Variants in TRPM3 observed in about 807,000 individuals in gnomAD.
TRPM3 encodes transient receptor potential cation channel subfamily M member 3.
In TRPM3, 77 loss-of-function variants were observed where a neutral mutation model predicts 181.2. That is an observed-to-expected ratio of 0.42 (90% CI 0.35 to 0.51). The LOEUF is 0.51. Ranked by LOEUF, TRPM3 falls within the 20% of genes least tolerant of loss-of-function variation. TRPM3 has a pLI of 0.01. For synonymous variants in TRPM3, 745 were observed against 796.4 expected (o/e 0.94, Z 1.09); for missense variants, 1,759 against 2,196.7 (o/e 0.80, Z 3.98).
intron 6 of TRPM3, among the ~76,000 whole-genome samples, chr9:70,789,396 T>C (rs1007972730): frequency 1.2e-4 from 19 of 152,178 alleles, no homozygotes; most frequent in Admixed American, 2.0e-4. Context: ...TGGTCATTCA[T>C]TGAAAACAAA....
At chr9:71,229,543 A>T (rs566020343) in intron 1 of TRPM3, among the ~76,000 whole-genome samples, 1 of 152,208 alleles carries the variant, frequency 6.6e-6, no homozygotes, top group African/African-American at 2.4e-5. Context: ...ATGTGAGGAA[A>T]TATTTGCAAA....
intron 1 of TRPM3, among the ~76,000 whole-genome samples, chr9:71,317,482 A>G (rs1318534316): frequency 6.6e-6 from 1 of 152,084 alleles, no homozygotes; most frequent in Non-Finnish European, 1.5e-5. Flanking sequence ...CTCTATAAGA[A>G]CTACAAAAAT....
At chr9:71,431,207 C>G (rs1390505561) in intron 1 of TRPM3, among the ~76,000 whole-genome samples, 1 of 151,702 alleles carries the variant, frequency 6.6e-6, no homozygotes, top group Non-Finnish European at 1.5e-5. Flanking sequence ...GAGAGAGAGC[C>G]CACTTAACAA....
chr9:70,870,037 C>A (rs1483000338), intron 1 of TRPM3, among the ~76,000 whole-genome samples: 3 of 151,992 alleles, frequency 2.0e-5, no homozygotes, highest in Non-Finnish European at 2.9e-5. Context: ...TTTCTCTTCC[C>A]AAACACAGAA....
intron 1 of TRPM3, among the ~76,000 whole-genome samples, chr9:71,195,487 A>G (rs896973527): frequency 1.3e-5 from 2 of 151,978 alleles, no homozygotes; most frequent in East Asian, 3.9e-4. Context: ...TAAGGAAAGG[A>G]AACACTTCTA....
intron 6 of TRPM3, among the ~76,000 whole-genome samples, chr9:70,800,962 T>G (rs2088814678): frequency 6.6e-6 from 1 of 152,136 alleles, no homozygotes; most frequent in Non-Finnish European, 1.5e-5. Flanking sequence ...AACTAGTAAG[T>G]GTCAGAAATG....
chr9:70,877,555 C>T (rs1161846871), intron 1 of TRPM3, among the ~76,000 whole-genome samples: 1 of 151,802 alleles, frequency 6.6e-6, no homozygotes, highest in Non-Finnish European at 1.5e-5. Context: ...GTGATTTATT[C>T]TAAGATTCCT....
chr9:70,777,647 C>G (rs986389479), intron 7 of TRPM3, among the ~76,000 whole-genome samples: 5 of 152,086 alleles, frequency 3.3e-5, no homozygotes, highest in African/African-American at 1.2e-4. Flanking sequence ...TTACTCCAAC[C>G]TATGCTTCCT....
intron 1 of TRPM3, among the ~76,000 whole-genome samples, chr9:71,303,933 C>T (rs1248383479): frequency 6.6e-6 from 1 of 151,944 alleles, no homozygotes; most frequent in Non-Finnish European, 1.5e-5. Context: ...TATACAAAAA[C>T]TTGTGGAACA....
In TRPM3 at chr9:70,862,375, AT is replaced by A. The variant is rs1280601162; in HGVS notation, c.462+532del. On this transcript the variant is annotated intron_variant, in intron 3 of 25. Transcript: ENST00000677713. ...TTATGTGGAATCTTCTAATGAGAAC[AT>A]TATTGAGCACAGATGCTTGGAGAAA... 2.6e-5 allele frequency among the ~76,000 whole-genome samples: 4 copies of A among 152,302 alleles called. No homozygotes were observed. In the East Asian group the frequency reaches 7.7e-4, roughly 29 times the overall value.
intron 1 of TRPM3, among the ~76,000 whole-genome samples, chr9:71,243,528 CTG>C (rs2081847959): frequency 1.3e-5 from 2 of 152,238 alleles, no homozygotes; most frequent in African/African-American, 4.8e-5. Flanking sequence ...TCTTTACTGT[CTG>C]TCTCTCTGAG....
chr9:71,249,385 A>G (rs2082210002), intron 1 of TRPM3, among the ~76,000 whole-genome samples: 1 of 152,324 alleles, frequency 6.6e-6, no homozygotes, highest in African/African-American at 2.4e-5. Context: ...TAAAAATCAG[A>G]GGAAGTTACA....
At chr9:71,014,851 GT>G (rs1258955257) in intron 1 of TRPM3, among the ~76,000 whole-genome samples, 1 of 151,876 alleles carries the variant, frequency 6.6e-6, no homozygotes, top group Non-Finnish European at 1.5e-5. Context: ...TAGCTTATAT[GT>G]TTTGTCTCAA....
At chr9:70,855,805 C>G (rs1160460863) in intron 3 of TRPM3, among the ~76,000 whole-genome samples, 2 of 152,102 alleles carry the variant, frequency 1.3e-5, no homozygotes, top group African/African-American at 4.8e-5. Context: ...TTGCTAATAC[C>G]AGCTTTCCAA....
chr9:70,835,865 G>A (rs751002722), intron 5 of TRPM3, among the ~76,000 whole-genome samples: 97 of 152,174 alleles, frequency 6.4e-4, no homozygotes, highest in Admixed American at 1.2e-3. Flanking sequence ...TATGGTCTAG[G>A]GAGCTAGGTG....
chr9:71,175,663 A>G (rs769601734), intron 1 of TRPM3, among the ~76,000 whole-genome samples: 1 of 152,186 alleles, frequency 6.6e-6, no homozygotes, highest in East Asian at 1.9e-4. Context: ...CCATCACAGA[A>G]GGCAGAAAGT....
At chr9:70,821,233 C>T (rs55660258) in intron 6 of TRPM3, among the ~76,000 whole-genome samples, 9,213 of 152,034 alleles carry the variant, frequency 0.061, 463 homozygotes, top group South Asian at 0.14. Context: ...TTAAAAAATG[C>T]TTTTGTACTG....
intron 9 of TRPM3, among the ~76,000 whole-genome samples, chr9:70,647,796 A>G (rs1007465948): frequency 1.3e-5 from 2 of 152,228 alleles, no homozygotes; most frequent in African/African-American, 2.4e-5. Flanking sequence ...AGAAAATCCC[A>G]TGGTCTATGC....
At chr9:71,172,962 C>T (rs2076938828) in intron 1 of TRPM3, among the ~76,000 whole-genome samples, 1 of 152,090 alleles carries the variant, frequency 6.6e-6, no homozygotes, top group South Asian at 2.1e-4. Context: ...GGCATAAACA[C>T]ACAGAAAACC....
Sources: allele counts gnomAD v4.1 joint callset (sites outside exome capture counted in the v4.1 genomes callset), GRCh38; gene constraint gnomAD v4.1.1; transcripts MANE v1.5; gene names NCBI Gene and HGNC (gene_info 2026-07-23, HGNC 2026-07-21).